TSC2: variants seen among roughly 807,000 people sequenced by gnomAD.
The protein encoded by TSC2 is tuberin.
TSC2 carries 29 observed loss-of-function variants against 202.2 expected under a neutral mutation model. The observed-to-expected ratio is 0.14, with a 90% CI of 0.11 to 0.20. The LOEUF (loss-of-function observed/expected upper bound fraction) is 0.20, where lower values mean the gene tolerates loss of function less well. Among genes scored for constraint, TSC2 ranks in the 10% least tolerant of loss-of-function variants. The pLI is 1.00. For missense variants in TSC2, 2,429 were observed against 2,420.0 expected (o/e 1.00, Z -0.08); for synonymous variants, 1,349 against 1,044.0 (o/e 1.29, Z -5.63).
chr16:2,067,271 G>A (rs1216893309), intron 16 of TSC2, among the ~76,000 whole-genome samples: 8 of 151,932 alleles, frequency 5.3e-5, no homozygotes, highest in Admixed American at 1.3e-4. Flanking sequence ...TGATCGTCCT[G>A]CCTCGGAGGC....
In TSC2 at chr16:2,084,529, A is replaced by T; in HGVS notation, c.4307A>T (p.Asp1436Val). The T allele has an allele frequency of 6.2e-7, 1 of 1,609,708 alleles. No individual in the cohort carries two copies. The highest frequency in any genetic ancestry group is 1.3e-5 in the African/African-American group (1 of 75,036). ...GCTGCCTGGTCGGCCTCGGGCGAAG[A>T]CAGTCGGGGCCAGCCCGAGGGTCCC... is the stretch of plus-strand genomic sequence containing the variant. ...ESAAWSASGE[D>V]SRGQPEGPLP... Residue 1436 changes from aspartate to valine, a missense_variant, in exon 34 of 42, where the codon GAC becomes GTC. Coordinates refer to ENST00000219476, the MANE Select transcript of TSC2 (RefSeq NM_000548.5).
intron 18 of TSC2, 28 bp downstream of exon 18, chr16:2,071,644 G>A (rs2088417711): frequency 6.2e-7 from 1 of 1,612,240 alleles, no homozygotes; most frequent in Non-Finnish European, 8.5e-7. Context: ...CACGGCCCAT[G>A]AGGCTCAGGG....
At position 2,089,144 on chromosome 16, in the gene TSC2, A is replaced by C. The variant is rs1596468494; in HGVS notation, c.*534A>C. ...AAGGCCAAGCTCGCATCCAAGCAGC[A>C]GCCGGGCTGCCATAACGCCACCACA... On this transcript the variant is annotated 3_prime_UTR_variant, in exon 42 of 42. Coordinates refer to ENST00000219476, the MANE Select transcript of TSC2 (RefSeq NM_000548.5). 5.9e-6 allele frequency: 1 copy of C among 170,110 alleles called. No homozygotes were observed. The highest frequency in any genetic ancestry group is 1.3e-5 in the Non-Finnish European group (1 of 78,686). 10.5% of individuals were successfully genotyped at this position (170,110 alleles called of 1,614,324 possible). A position where few individuals can be genotyped will look rare whatever the true frequency, so the allele number is the denominator to read the frequency against.
At position 2,063,035 on chromosome 16, in the gene TSC2, C is replaced by T. The variant is rs1596307430; in HGVS notation, c.1425C>T (p.Ile475=). The T allele has an allele frequency of 6.4e-7, 1 of 1,551,546 alleles. No individual in the cohort carries two copies. Among genetic ancestry groups the T allele is most frequent in the Non-Finnish European group, 8.7e-7 (1 of 1,146,928 alleles). Residue 475 remains isoleucine (I), a synonymous_variant, in exon 14 of 42, where the codon ATC becomes ATT. Transcript: ENST00000219476. ...VLDVLSFVLL[I]NRQFYEEELI... ...ACGTGCTGTCCTTTGTGCTGCTCAT[C>T]AACAGGCAGTTCTATGAGGTGCGTG... is the stretch of plus-strand genomic sequence containing the variant.
In TSC2 at chr16:2,084,402, C is replaced by T. The variant is rs911307922; in HGVS notation, c.4180C>T (p.Leu1394=). 5.0e-6 allele frequency: 8 copies of T among 1,612,108 alleles called. No individual in the cohort carries two copies. The African/African-American group carries it at 6.7e-5, about 13-fold the overall frequency. The change falls in exon 34 of 42, where the codon CTG becomes TTG. Residue 1394 remains leucine (L), a synonymous_variant. Coordinates refer to ENST00000219476, the MANE Select transcript of TSC2 (RefSeq NM_000548.5). ...KSSSSPELQT[L]QDILGDPGDK... ...CAGCTCCTCTCCCGAGCTGCAGACT[C>T]TGCAGGACATCCTCGGGGACCCTGG...
At chr16:2,055,803 A>G in intron 6 of TSC2, 1 of 447,496 alleles carries the variant, frequency 2.2e-6, no homozygotes, top group South Asian at 2.1e-5. Context: ...AGGCAGGAGA[A>G]TTGCTTGAAA....
intron 30 of TSC2, chr16:2,081,319 C>T (rs1467314885): frequency 2.0e-6 from 1 of 512,366 alleles, no homozygotes; most frequent in Admixed American, 3.2e-5. Context: ...GTAGGGGTTC[C>T]AGCCCTCGTG....
rs142285430 is a variant in TSC2 at position 2,088,881 on chromosome 16, G to GCGCGCACACACACACACACACA, written c.*272_*273insGCGCACACACACACACACACAC. 1.2e-5 allele frequency: 5 copies of GCGCGCACACACACACACACACA among 421,378 alleles called. No homozygotes were observed. The highest frequency in any genetic ancestry group is 1.1e-4 in the African/African-American group (5 of 44,578). The allele number at this position is 421,378 out of a possible 1,614,324, so 26.1% of individuals were successfully genotyped here. A position where few individuals can be genotyped will look rare whatever the true frequency, so the allele number is the denominator to read the frequency against. ...ACAGCACACTCGCGCGTGCGCGCGC[G>GCGCGCACACACACACACACACA]CACACACACACACACACAGTCACCT... On this transcript the variant is annotated 3_prime_UTR_variant, in exon 42 of 42. Coordinates refer to ENST00000219476, the MANE Select transcript of TSC2 (RefSeq NM_000548.5).
chr16:2,083,363 C>G (rs1366081455), intron 32 of TSC2: 1 of 486,140 alleles, frequency 2.1e-6, no homozygotes, highest in African/African-American at 1.9e-5. Context: ...GGCTCCCGCT[C>G]TTTTAGAGCT....
At chr16:2,060,612 G>A (rs2086506194) in intron 10 of TSC2, 58 bp from the exon 11 acceptor site, 2 of 1,612,474 alleles carry the variant, frequency 1.2e-6, no homozygotes, top group Admixed American at 3.3e-5. Flanking sequence ...GACTGGGAGG[G>A]CGTCCCACAG....
At chr16:2,051,936 G>A (rs1376609889) in intron 3 of TSC2, among the ~76,000 whole-genome samples, 1 of 152,090 alleles carries the variant, frequency 6.6e-6, no homozygotes, top group East Asian at 1.9e-4. Flanking sequence ...ATGGTGTCGG[G>A]CACCTGTAAT....
intron 38 of TSC2, 152 bp from the exon 39 acceptor site, chr16:2,087,711 G>C: frequency 2.0e-6 from 2 of 1,003,408 alleles, no homozygotes; most frequent in Non-Finnish European, 1.5e-6. Context: ...GGGGAGGCCA[G>C]ACAAACACAG....
intron 11 of TSC2, chr16:2,061,273 C>T (rs1227460897): frequency 1.0e-5 from 3 of 297,672 alleles, no homozygotes; most frequent in Non-Finnish European, 2.0e-5. Flanking sequence ...ATCCAGCAGC[C>T]TCAGGGCTGT....
At position 2,076,377 on chromosome 16, in the gene TSC2, C is replaced by T. The variant is rs529063596; in HGVS notation, c.2743-114C>T. ...TTGAGGGGTGGGAGCTGGGTGCCGC[C>T]GCCTTGCCCCTAGCCTGCAGCTTGT... On this transcript the variant is annotated intron_variant, in intron 24 of 41. Coordinates refer to ENST00000219476, the MANE Select transcript of TSC2 (RefSeq NM_000548.5). The T allele has an allele frequency of 2.7e-3, 4,287 of 1,580,258 alleles. 6 individuals carry two copies. Among genetic ancestry groups the T allele is most frequent in the Non-Finnish European group, 3.4e-3 (3,895 of 1,160,602 alleles).
At chr16:2,074,456 C>G (rs2151358736) in intron 22 of TSC2, 67 bp downstream of exon 22, 1 of 1,576,022 alleles carries the variant, frequency 6.3e-7, no homozygotes, top group Admixed American at 1.7e-5. Flanking sequence ...GCGGGCTTCT[C>G]TGGTGCCCTC....
At chr16:2,048,101 C>G (rs1311144406) in intron 1 of TSC2, 36 bp downstream of exon 1, 1 of 1,452,542 alleles carries the variant, frequency 6.9e-7, no homozygotes, top group East Asian at 2.6e-5. Context: ...GTGGCGGTCC[C>G]CACGGGGCAG....
At position 2,057,321 on chromosome 16, in the gene TSC2, G is replaced by T. The variant is rs78160478; in HGVS notation, c.848+143G>T. On this transcript the variant is annotated intron_variant, in intron 9 of 41. Coordinates refer to ENST00000219476, the MANE Select transcript of TSC2 (RefSeq NM_000548.5). ...TTCCAGAGGCTGCCACTAGAGCGAG[G>T]CCCATGACTTCTAGGATCCAGCCCC... 76,329 of 933,458 alleles carry T rather than the reference G, an allele frequency of 0.082. 3,795 individuals are homozygous for T. The highest frequency in any genetic ancestry group is 0.12 in the Middle Eastern group (486 of 3,980). The allele number at this position is 933,458 out of a possible 1,614,324, so 57.8% of individuals were successfully genotyped here. A position where few individuals can be genotyped will look rare whatever the true frequency, so the allele number is the denominator to read the frequency against.
At chr16:2,068,494 TG>T (rs900957329) in intron 16 of TSC2, 3 of 152,232 alleles carry the variant, frequency 2.0e-5, no homozygotes, top group African/African-American at 7.2e-5. Context: ...CTAGAAGCCT[TG>T]CTGATAGCAG....
chr16:2,053,061 C>T (rs978975719), intron 3 of TSC2, among the ~76,000 whole-genome samples: 5 of 152,224 alleles, frequency 3.3e-5, no homozygotes, highest in African/African-American at 9.7e-5. Flanking sequence ...GCCACCATTG[C>T]TGCCCTGGCT....
Sources: gnomAD v4.1 joint callset for allele counts (sites outside exome capture counted in the v4.1 genomes callset) on GRCh38, gnomAD v4.1.1 for gene constraint, MANE v1.5 for transcripts, NCBI Gene and HGNC (gene_info 2026-07-23, HGNC 2026-07-21) for gene names.